PARP15: variants seen among roughly 807,000 people sequenced by gnomAD.
PARP15 encodes poly(ADP-ribose) polymerase family member 15, also known as protein mono-ADP-ribosyltransferase PARP15.
Under a neutral mutation model 62.1 loss-of-function variants are expected in PARP15, and 50 were observed. The ratio of observed to expected loss-of-function variants is 0.81; its 90% confidence interval spans 0.64 to 1.02. The LOEUF is 1.02. PARP15 is among the 50% of genes least tolerant of loss of function. The probability of loss-of-function intolerance (pLI) is 0.00; values close to 1 mark genes in which losing one functional copy is unlikely to be tolerated. For missense variants in PARP15, 820 were observed against 826.5 expected (o/e 0.99, Z 0.10); for synonymous variants, 309 against 293.1 (o/e 1.05, Z -0.55).
At chr3:122,586,225 CGT>C (rs548160523) in intron 1 of PARP15, among the ~76,000 whole-genome samples, 1 of 25,174 alleles carries the variant, frequency 4.0e-5, no homozygotes, top group Admixed American at 5.5e-4. Context: ...ATATGTTAAA[CGT>C]ATTTTTTTTT....
At position 122,627,009 on chromosome 3, in the gene PARP15, C is replaced by G; in HGVS notation, c.1414C>G (p.Gln472Glu). ...KRDLSASLNF[Q>E]STFSMTTCNL... ...AGACCTCTCTGCATCACTGAACTTT[C>G]AGTCCACATTCTCCATGACTACATG... The change falls in exon 9 of 12, where the codon CAG (glutamine) becomes GAG (glutamate). Residue 472 changes from glutamine (Q) to glutamate (E), a missense_variant. Physicochemically the swap from Gln to Glu is conservative, Grantham distance 29 (BLOSUM62 2). Around this residue, in one of 3 missense-constraint regions of PARP15, gnomAD observed 731 missense variants for 727.7 expected, o/e 1.00. Coordinates refer to ENST00000464300, the MANE Select transcript of PARP15 (RefSeq NM_001113523.3). 6.2e-7 allele frequency: 1 copy of G among 1,613,070 alleles called. No homozygotes were observed. Among genetic ancestry groups the G allele is most frequent in the South Asian group, 1.1e-5 (1 of 90,890 alleles).
intron 9 of PARP15, among the ~76,000 whole-genome samples, chr3:122,629,580 A>C (rs62263888): frequency 0.15 from 22,997 of 152,112 alleles, 2,126 homozygotes; most frequent in Non-Finnish European, 0.21. Flanking sequence ...TTTTCCACGG[A>C]CTGGGTTATG....
rs1015487731 is a variant in PARP15, at chr3:122,638,498, G to A, written c.*2398G>A. ...CTTTTTAATGATTGCCATTCTAACG[G>A]GTGTGGGATGGTATCTCATTGTTGT... is the stretch of plus-strand genomic sequence containing the variant. On this transcript the variant is annotated 3_prime_UTR_variant, in exon 12 of 12. Coordinates refer to ENST00000464300, the MANE Select transcript of PARP15 (RefSeq NM_001113523.3). 2.6e-5 allele frequency: 4 copies of A among 152,170 alleles called. No homozygotes were observed. The highest frequency in any genetic ancestry group is 9.7e-5 in the African/African-American group (4 of 41,406). 9.4% of individuals were successfully genotyped at this position (152,170 alleles called of 1,614,324 possible). A position where few individuals can be genotyped will look rare whatever the true frequency, so the allele number is the denominator to read the frequency against.
At chr3:122,601,917 A>G (rs1318775670) in intron 1 of PARP15, among the ~76,000 whole-genome samples, 3 of 151,620 alleles carry the variant, frequency 2.0e-5, no homozygotes, top group Admixed American at 2.0e-4. Flanking sequence ...CTGCTGCTCC[A>G]CATCCTTGCA....
At chr3:122,595,731 C>T (rs377507106) in intron 1 of PARP15, among the ~76,000 whole-genome samples, 11 of 152,128 alleles carry the variant, frequency 7.2e-5, no homozygotes, top group East Asian at 3.9e-4. Context: ...CAGGGTTTTG[C>T]CACAGTGCCC....
At chr3:122,606,160 T>C (rs1266346553) in intron 2 of PARP15, 105 bp downstream of exon 2, 1 of 1,308,786 alleles carries the variant, frequency 7.6e-7, no homozygotes, top group Non-Finnish European at 1.0e-6. Flanking sequence ...TAATCAAAGA[T>C]TAAAGATATC....
chr3:122,622,332 T>C (rs1282724811), intron 8 of PARP15, among the ~76,000 whole-genome samples: 2 of 152,202 alleles, frequency 1.3e-5, no homozygotes, highest in Non-Finnish European at 2.9e-5. Context: ...GATCCTCTCT[T>C]GAAAACAGAC....
rs545127090 is a variant in PARP15 at position 122,610,612 on chromosome 3, G to C, written c.425G>C (p.Arg142Pro). Reference sequence around the variant, plus strand: ...CAGAAAGAGTTAGATGACAGAAGGCGGGAAACAGAGGAAAAAGTAGGTAAC... The same window carrying C: ...CAGAAAGAGTTAGATGACAGAAGGCCGGAAACAGAGGAAAAAGTAGGTAAC... Reference protein sequence around the residue: ...MLQKELDDRRRETEEKVGNIF... With the variant: ...MLQKELDDRRPETEEKVGNIF... Residue 142 changes from arginine to proline, a missense_variant, in exon 3 of 12, where the codon CGG (arginine) becomes CCG (proline). By Grantham distance (103) the Arg-to-Pro change is moderately radical. Around this residue, in one of 3 missense-constraint regions of PARP15, gnomAD observed 731 missense variants for 727.7 expected, o/e 1.00. Coordinates refer to ENST00000464300, the MANE Select transcript of PARP15 (RefSeq NM_001113523.3). 1 of 1,551,726 alleles carries C rather than the reference G, an allele frequency of 6.4e-7. No individual in the cohort carries two copies.
intron 5 of PARP15, among the ~76,000 whole-genome samples, chr3:122,616,447 A>C (rs1343035848): frequency 6.7e-6 from 1 of 149,506 alleles, no homozygotes; most frequent in Non-Finnish European, 1.5e-5. Flanking sequence ...CTCCTGCTTC[A>C]GTCTCCCGAG....
chr3:122,618,594 T>G (rs1183872749), intron 6 of PARP15, among the ~76,000 whole-genome samples: 2 of 152,226 alleles, frequency 1.3e-5, no homozygotes, highest in Non-Finnish European at 2.9e-5. Context: ...GTTAGACTAC[T>G]TGATTGGATC....
chr3:122,625,885 C>T (rs1055794767), intron 8 of PARP15, among the ~76,000 whole-genome samples: 5 of 152,222 alleles, frequency 3.3e-5, no homozygotes, highest in Non-Finnish European at 5.9e-5. Context: ...GGAGCCAGGA[C>T]ATAAACTCAG....
intron 7 of PARP15, 181 bp from the exon 8 acceptor site, chr3:122,621,262 TC>T (rs1351281539): frequency 8.2e-6 from 5 of 607,948 alleles, no homozygotes; most frequent in Non-Finnish European, 1.4e-5. Context: ...TTTGTTGAGC[TC>T]GAGAATTCTG....
intron 1 of PARP15, among the ~76,000 whole-genome samples, chr3:122,601,008 T>C (rs1389006621): frequency 1.3e-5 from 2 of 151,378 alleles, no homozygotes; most frequent in African/African-American, 4.9e-5. Context: ...TGTTGTATAG[T>C]TCCATTGGTT....
chr3:122,634,791 T>G (rs1452432746), intron 10 of PARP15, among the ~76,000 whole-genome samples: 1 of 152,260 alleles, frequency 6.6e-6, no homozygotes, highest in African/African-American at 2.4e-5. Context: ...CAACAAGCAC[T>G]ATTACAAAGC....
intron 8 of PARP15, among the ~76,000 whole-genome samples, chr3:122,623,130 C>T (rs1298788060): frequency 6.6e-6 from 1 of 152,200 alleles, no homozygotes; most frequent in East Asian, 1.9e-4. Flanking sequence ...ATAGGGAAGC[C>T]AGGGGGAACG....
intron 5 of PARP15, 68 bp downstream of exon 5, chr3:122,615,925 G>A (rs1221487628): frequency 1.4e-6 from 2 of 1,464,612 alleles, no homozygotes; most frequent in Non-Finnish European, 1.9e-6. Context: ...GGTAGTTGAA[G>A]TCCAGTAGAA....
intron 8 of PARP15, among the ~76,000 whole-genome samples, chr3:122,626,248 G>A (rs1288276039): frequency 6.7e-6 from 1 of 148,652 alleles, no homozygotes; most frequent in African/African-American, 2.5e-5. Context: ...GCCCAGGCTG[G>A]AGTGCAGTGG....
At chr3:122,578,002 C>T in intron 1 of PARP15, 149 bp downstream of exon 1, 1 of 739,410 alleles carries the variant, frequency 1.4e-6, no homozygotes, top group African/African-American at 1.9e-5. Flanking sequence ...CTTCCCTGTT[C>T]CGGAAGAGGG....
intron 11 of PARP15, 60 bp downstream of exon 11, chr3:122,635,254 A>G: frequency 1.3e-6 from 2 of 1,508,114 alleles, no homozygotes; most frequent in Non-Finnish European, 1.8e-6. Context: ...CAGACTTTTC[A>G]TACCCAAGCA....
Sources: allele counts gnomAD v4.1 joint callset (sites outside exome capture counted in the v4.1 genomes callset), GRCh38; gene constraint gnomAD v4.1.1; regional missense constraint gnomAD v4.1.1; transcripts MANE v1.5; gene names NCBI Gene and HGNC (gene_info 2026-07-23, HGNC 2026-07-21).